The following ATL2 variants were observed in gnomAD, a reference collection of about 807,000 sequenced individuals.
ATL2 encodes atlastin GTPase 2.
ATL2 carries 31 observed loss-of-function variants against 73.9 expected under a neutral mutation model. The observed-to-expected ratio is 0.42, with a 90% confidence interval of 0.32 to 0.57. ATL2 has a LOEUF of 0.57. ATL2 is among the 20% of genes least tolerant of loss of function. The pLI is 0.14. For synonymous variants in ATL2, 291 were observed against 237.5 expected (o/e 1.23, Z -2.07); for missense variants, 738 against 702.6 (o/e 1.05, Z -0.57).
chr2:38,300,476 A>G, intron 9 of ATL2, 148 bp from the exon 10 acceptor site: 1 of 546,486 alleles, frequency 1.8e-6, no homozygotes, highest in Non-Finnish European at 3.2e-6. Context: ...CAACAAAGTT[A>G]ACCCTATTCT....
intron 2 of ATL2, among the ~76,000 whole-genome samples, chr2:38,329,566 A>C (rs188930694): frequency 1.3e-5 from 2 of 152,078 alleles, no homozygotes; most frequent in African/African-American, 2.4e-5. Flanking sequence ...ATTCTTTTAG[A>C]AAATAAGCAG....
chr2:38,349,786 C>A (rs1670237922), intron 1 of ATL2, among the ~76,000 whole-genome samples: 1 of 152,130 alleles, frequency 6.6e-6, no homozygotes, highest in African/African-American at 2.4e-5. Flanking sequence ...AGTTTATTAG[C>A]ACAGACAAAG....
At chr2:38,304,392 A>G (rs940315223) in intron 9 of ATL2, among the ~76,000 whole-genome samples, 5 of 152,256 alleles carry the variant, frequency 3.3e-5, no homozygotes, top group African/African-American at 1.2e-4. Flanking sequence ...AATAAATGTT[A>G]AAGAGAGTTC....
intron 8 of ATL2, among the ~76,000 whole-genome samples, chr2:38,309,835 T>A (rs926243045): frequency 1.3e-5 from 2 of 152,166 alleles, no homozygotes; most frequent in Non-Finnish European, 2.9e-5. Context: ...AAACAATTCA[T>A]AAAATTGTAT....
At chr2:38,364,331 T>C in intron 1 of ATL2, among the ~76,000 whole-genome samples, 1 of 152,188 alleles carries the variant, frequency 6.6e-6, no homozygotes, top group East Asian at 1.9e-4. Context: ...CCCTGAGGAA[T>C]ACCACTGACA....
chr2:38,325,906 TAA>T (rs761254087), intron 2 of ATL2, among the ~76,000 whole-genome samples: 9 of 52,048 alleles, frequency 1.7e-4, no homozygotes, highest in Non-Finnish European at 1.9e-4. Context: ...TTTGTTTGTT[TAA>T]AAAAAAAAAA....
chr2:38,350,159 T>C (rs1002955343), intron 1 of ATL2, among the ~76,000 whole-genome samples: 20 of 152,232 alleles, frequency 1.3e-4, no homozygotes, highest in African/African-American at 4.1e-4. Flanking sequence ...GTGTATAGAA[T>C]AGTGATTTTA....
At chr2:38,378,328 C>A (rs895031201), upstream of ATL2, among the ~76,000 whole-genome samples, 4 of 152,198 alleles carry the variant, frequency 2.6e-5, no homozygotes, top group Non-Finnish European at 5.9e-5. Flanking sequence ...GTGGCTCACG[C>A]CTCCCGGGTT....
intron 1 of ATL2, among the ~76,000 whole-genome samples, chr2:38,360,457 G>A (rs1231213357): frequency 1.3e-5 from 2 of 151,824 alleles, no homozygotes; most frequent in East Asian, 3.9e-4. Context: ...AACTAATTTA[G>A]TTTTTGTAGA....
intron 9 of ATL2, among the ~76,000 whole-genome samples, chr2:38,304,022 G>T (rs775476959): frequency 1.2e-4 from 18 of 152,130 alleles, no homozygotes; most frequent in African/African-American, 3.9e-4. Flanking sequence ...TCAGCACCTT[G>T]GCAGGCTGAG....
intron 9 of ATL2, among the ~76,000 whole-genome samples, chr2:38,301,408 A>G (rs1213444664): frequency 6.6e-6 from 1 of 152,214 alleles, no homozygotes; most frequent in Admixed American, 6.5e-5. Context: ...CCACCTTCAT[A>G]AGAACCAAAA....
intron 1 of ATL2, among the ~76,000 whole-genome samples, chr2:38,345,744 G>A (rs1669980480): frequency 6.6e-6 from 1 of 152,162 alleles, no homozygotes; most frequent in African/African-American, 2.4e-5. Context: ...AAAACAGGAT[G>A]CAAACGGTAT....
chr2:38,328,416 T>C (rs1668790310), intron 2 of ATL2, among the ~76,000 whole-genome samples: 1 of 152,194 alleles, frequency 6.6e-6, no homozygotes, highest in South Asian at 2.1e-4. Context: ...AGGTAGACCA[T>C]ATCCTGAGCC....
intron 1 of ATL2, among the ~76,000 whole-genome samples, chr2:38,345,024 T>C (rs148978665): frequency 2.6e-5 from 4 of 152,296 alleles, no homozygotes; most frequent in African/African-American, 9.6e-5. Flanking sequence ...TAGGTTTCTG[T>C]TCTTCTTTAA....
At chr2:38,319,703 AC>A (rs532958831) in intron 2 of ATL2, among the ~76,000 whole-genome samples, 193 of 152,344 alleles carry the variant, frequency 1.3e-3, no homozygotes, top group African/African-American at 4.2e-3. Context: ...ACATGTTGTT[AC>A]ACAGATAAGC....
At chr2:38,317,488 A>G (rs1375289921) in intron 4 of ATL2, among the ~76,000 whole-genome samples, 5 of 152,236 alleles carry the variant, frequency 3.3e-5, no homozygotes, top group African/African-American at 7.2e-5. Flanking sequence ...CAATTTGAAT[A>G]TAAGTGAAAA....
chr2:38,354,214 C>A, intron 1 of ATL2: 1 of 420,966 alleles, frequency 2.4e-6, no homozygotes, highest in Non-Finnish European at 4.7e-6. Context: ...CTGTCATTAG[C>A]AGATGTGCAT....
chr2:38,349,243 A>G (rs920927740), intron 1 of ATL2, among the ~76,000 whole-genome samples: 2 of 151,878 alleles, frequency 1.3e-5, no homozygotes, highest in African/African-American at 4.8e-5. Context: ...TTGTGGCACT[A>G]TTCACAATAG....
chr2:38,331,428 C>T (rs1000934367), intron 2 of ATL2, among the ~76,000 whole-genome samples: 10 of 123,322 alleles, frequency 8.1e-5, no homozygotes, highest in African/African-American at 3.3e-4. Flanking sequence ...GAGTGAGACT[C>T]TGTCTCAAGA....
Sources: allele counts gnomAD v4.1 joint callset (sites outside exome capture counted in the v4.1 genomes callset), GRCh38; gene constraint gnomAD v4.1.1; transcripts MANE v1.5; gene names NCBI Gene and HGNC (gene_info 2026-07-23, HGNC 2026-07-21).